FOXK2: variants seen among roughly 807,000 people sequenced by gnomAD.
The protein encoded by FOXK2 is forkhead box protein K2.
A neutral mutation model predicts 53.3 loss-of-function variants in FOXK2; 24 were observed. That is an observed-to-expected ratio of 0.45 (90% CI 0.33 to 0.63). FOXK2 has a LOEUF of 0.63. Ranked by LOEUF, FOXK2 falls within the 30% of genes least tolerant of loss-of-function variation. FOXK2 has a pLI of 0.03. For missense variants in FOXK2, 952 were observed against 910.5 expected (o/e 1.05, Z -0.59); for synonymous variants, 505 against 407.1 (o/e 1.24, Z -2.89).
intron 5 of FOXK2, among the ~76,000 whole-genome samples, chr17:82,583,744 A>G (rs1169058768): frequency 1.3e-5 from 2 of 152,154 alleles, no homozygotes; most frequent in Non-Finnish European, 2.9e-5. Flanking sequence ...GGAGCTGCTT[A>G]GAGAGGGCAG....
chr17:82,586,774 G>A (rs1277077706), intron 7 of FOXK2, among the ~76,000 whole-genome samples: 1 of 152,066 alleles, frequency 6.6e-6, no homozygotes, highest in Non-Finnish European at 1.5e-5. Flanking sequence ...GGTGGCGGGT[G>A]CCTGTAATCC....
intron 1 of FOXK2, among the ~76,000 whole-genome samples, chr17:82,534,319 C>A (rs2044500589): frequency 6.6e-6 from 1 of 152,156 alleles, no homozygotes. Context: ...GACAAAATTT[C>A]TTGTGATTGA....
chr17:82,550,748 G>A (rs182894747), intron 1 of FOXK2, among the ~76,000 whole-genome samples: 4 of 151,828 alleles, frequency 2.6e-5, no homozygotes, highest in South Asian at 2.1e-4. Context: ...CTTGTGATCC[G>A]CCTGCCTCAG....
chr17:82,531,916 C>A (rs1290458941), intron 1 of FOXK2, among the ~76,000 whole-genome samples: 1 of 152,242 alleles, frequency 6.6e-6, no homozygotes, highest in East Asian at 1.9e-4. Context: ...TCTTGGCTCA[C>A]TGCAACGTCT....
At chr17:82,559,219 T>A (rs2044766056) in intron 1 of FOXK2, 3 of 386,556 alleles carry the variant, frequency 7.8e-6, no homozygotes, top group Non-Finnish European at 1.6e-5. Flanking sequence ...TGATTTGGTG[T>A]CCTGAGTGTC....
chr17:82,542,320 C>G (rs1335216672), intron 1 of FOXK2, among the ~76,000 whole-genome samples: 2 of 151,958 alleles, frequency 1.3e-5, no homozygotes, highest in African/African-American at 4.8e-5. Flanking sequence ...CACTACCAGG[C>G]CCAGCTAATT....
chr17:82,577,276 TA>T, intron 4 of FOXK2: 1 of 1,280,188 alleles, frequency 7.8e-7, no homozygotes, highest in Non-Finnish European at 1.1e-6. Flanking sequence ...AATTTCTCTG[TA>T]ATAACTGGAA....
At chr17:82,574,815 G>A (rs780931899) in intron 4 of FOXK2, among the ~76,000 whole-genome samples, 28 of 152,146 alleles carry the variant, frequency 1.8e-4, no homozygotes, top group Non-Finnish European at 3.7e-4. Context: ...ATAGCTTTTT[G>A]GTCAATCCAC....
chr17:82,555,865 G>A (rs1351776165), intron 1 of FOXK2, among the ~76,000 whole-genome samples: 4 of 133,024 alleles, frequency 3.0e-5, no homozygotes, highest in Admixed American at 8.3e-5. Flanking sequence ...TCCAGCCTGG[G>A]CGAAAGCAAG....
At chr17:82,555,620 C>A (rs1470559445) in intron 1 of FOXK2, among the ~76,000 whole-genome samples, 1 of 151,770 alleles carries the variant, frequency 6.6e-6, no homozygotes, top group Non-Finnish European at 1.5e-5. Flanking sequence ...CGCGGTGGCT[C>A]ACGCCTGTAA....
chr17:82,554,815 GCTCACTGCAAC>G (rs966759597), intron 1 of FOXK2, among the ~76,000 whole-genome samples: 2 of 151,842 alleles, frequency 1.3e-5, no homozygotes, highest in African/African-American at 4.8e-5. Context: ...CTCGATCTGG[GCTCACTGCAAC>G]CTCCGCCTCC....
intron 6 of FOXK2, chr17:82,585,109 A>G (rs2045118015): frequency 6.6e-6 from 1 of 152,106 alleles, no homozygotes; most frequent in Non-Finnish European, 1.5e-5. Context: ...TAAGCCCCCA[A>G]ACCATGGCAG....
chr17:82,593,442 C>CGGGCA (rs2045277039), intron 8 of FOXK2: 1 of 152,534 alleles, frequency 6.6e-6, no homozygotes, highest in Admixed American at 6.5e-5. Flanking sequence ...CCGCGCCCCC[C>CGGGCA]TGGCGGAGCC....
intron 1 of FOXK2, among the ~76,000 whole-genome samples, chr17:82,561,858 G>T (rs1171953197): frequency 6.6e-6 from 1 of 152,050 alleles, no homozygotes; most frequent in African/African-American, 2.4e-5. Flanking sequence ...ACCTCCACAG[G>T]CTGGAGGTGC....
At chr17:82,538,584 G>T (rs146498758) in intron 1 of FOXK2, among the ~76,000 whole-genome samples, 16 of 152,350 alleles carry the variant, frequency 1.1e-4, no homozygotes, top group African/African-American at 3.6e-4. Flanking sequence ...GTCCTCTGCT[G>T]GTGGACACAG....
chr17:82,567,036 C>T (rs1294322990), intron 2 of FOXK2, among the ~76,000 whole-genome samples: 1 of 152,164 alleles, frequency 6.6e-6, no homozygotes. Context: ...ACCAGTGGTG[C>T]ATATTCATGG....
intron 8 of FOXK2, among the ~76,000 whole-genome samples, chr17:82,596,920 A>G (rs1316949118): frequency 6.6e-6 from 1 of 152,142 alleles, no homozygotes; most frequent in African/African-American, 2.4e-5. Context: ...TGCTGCTCCA[A>G]GTTACAGTCC....
intron 6 of FOXK2, among the ~76,000 whole-genome samples, chr17:82,584,889 C>T (rs755016823): frequency 6.6e-6 from 1 of 152,196 alleles, no homozygotes. Flanking sequence ...AAACAGTTTG[C>T]AGTTTACTTA....
At chr17:82,543,244 T>G (rs1480435136) in intron 1 of FOXK2, among the ~76,000 whole-genome samples, 1 of 152,186 alleles carries the variant, frequency 6.6e-6, no homozygotes, top group African/African-American at 2.4e-5. Flanking sequence ...TGAGATACCT[T>G]TTTTATTGTG....
Sources: gnomAD v4.1 joint callset for allele counts (sites outside exome capture counted in the v4.1 genomes callset) on GRCh38, gnomAD v4.1.1 for gene constraint, MANE v1.5 for transcripts, NCBI Gene and HGNC (gene_info 2026-07-23, HGNC 2026-07-21) for gene names.